Variants in CXXC4 observed in about 807,000 individuals in gnomAD.
CXXC4 encodes CXXC finger protein 4, also known as CXXC-type zinc finger protein 4.
CXXC4 carries 5 observed loss-of-function variants against 20.5 expected under a neutral mutation model. That is an observed-to-expected ratio of 0.24 (90% CI 0.13 to 0.51). The LOEUF is 0.51. Among genes scored for constraint, CXXC4 ranks in the 20% least tolerant of loss-of-function variants. The probability of loss-of-function intolerance (pLI) is 0.97; values close to 1 mark genes in which losing one functional copy is unlikely to be tolerated. For missense variants in CXXC4, 419 were observed against 496.4 expected (o/e 0.84, Z 1.48); for synonymous variants, 250 against 216.4 (o/e 1.16, Z -1.36).
rs1349043496 is a variant in CXXC4 at position 104,468,520 on chromosome 4, A to C, written c.*3802T>G. The C allele has an allele frequency of 6.6e-6, 1 of 151,756 alleles. No homozygotes were observed. The highest frequency in any genetic ancestry group is 2.4e-5 in the African/African-American group (1 of 41,328). 9.4% of individuals were successfully genotyped at this position (151,756 alleles called of 1,614,324 possible). A position where few individuals can be genotyped will look rare whatever the true frequency, so the allele number is the denominator to read the frequency against. ...CATACACCTTACACAAATATCTATTAGAAAATTTAATAGATAACTGCACAG... is the reference window on the plus strand; with the variant it reads ...CATACACCTTACACAAATATCTATTCGAAAATTTAATAGATAACTGCACAG... On this transcript the variant is annotated 3_prime_UTR_variant, in exon 3 of 3. Coordinates refer to ENST00000394767, the MANE Select transcript of CXXC4 (RefSeq NM_025212.4).
chr4:104,492,465 G>C (rs1262464183), intron 1 of CXXC4, among the ~76,000 whole-genome samples: 1 of 152,058 alleles, frequency 6.6e-6, no homozygotes, highest in East Asian at 1.9e-4. Context: ...GTGTGAACAA[G>C]TGCTGCCTGG....
chr4:104,481,252 G>T (rs988620807), intron 2 of CXXC4, among the ~76,000 whole-genome samples: 1 of 152,118 alleles, frequency 6.6e-6, no homozygotes, highest in Non-Finnish European at 1.5e-5. Flanking sequence ...TAGGGAGGCC[G>T]GGTGTTGTGG....
At chr4:104,482,100 A>G (rs1578318761) in intron 2 of CXXC4, among the ~76,000 whole-genome samples, 1 of 152,216 alleles carries the variant, frequency 6.6e-6, no homozygotes, top group Non-Finnish European at 1.5e-5. Context: ...GAAGTTGAAC[A>G]ATGCTTGCTA....
chr4:104,485,008 G>T (rs1348899207), intron 2 of CXXC4, among the ~76,000 whole-genome samples: 2 of 152,020 alleles, frequency 1.3e-5, no homozygotes, highest in South Asian at 2.1e-4. Flanking sequence ...GTTAAAAATG[G>T]TCAGAAACAC....
Position 104,491,128 on chromosome 4 carries a change from C to T in CXXC4, c.675G>A (p.Glu225=), listed in dbSNP as rs770547726. 5.6e-6 allele frequency: 9 copies of T among 1,614,118 alleles called. No individual in the cohort carries two copies. In the East Asian group the frequency reaches 1.8e-4, roughly 32 times the overall value. ...NKLKCGAAEA[E]IMNLPERVGT... Reference sequence around the variant, plus strand: ...CCACGCGCTCGGGGAGATTCATTATCTCTGCTTCAGCAGCGCCGCATTTGA... The same window carrying T: ...CCACGCGCTCGGGGAGATTCATTATTTCTGCTTCAGCAGCGCCGCATTTGA... Residue 225 remains glutamate (E), a synonymous_variant, in exon 2 of 3, where the codon GAG becomes GAA. Transcript: ENST00000394767.
At position 104,469,288 on chromosome 4, in the gene CXXC4, C is replaced by T. The variant is rs937779659; in HGVS notation, c.*3034G>A. 6.6e-6 allele frequency: 1 copy of T among 151,988 alleles called. No homozygotes were observed. Among genetic ancestry groups the T allele is most frequent in the African/African-American group, 2.4e-5 (1 of 41,422 alleles). The allele number at this position is 151,988 out of a possible 1,614,324, so 9.4% of individuals were successfully genotyped here. A position where few individuals can be genotyped will look rare whatever the true frequency, so the allele number is the denominator to read the frequency against. On this transcript the variant is annotated 3_prime_UTR_variant, in exon 3 of 3. Coordinates refer to ENST00000394767, the MANE Select transcript of CXXC4 (RefSeq NM_025212.4). ...CTGAAAAGGAAATTGGCTCACTGCA[C>T]TATGTATCAACGCCTCAAGTATTTA...
At chr4:104,492,882 A>C (rs962680063) in intron 1 of CXXC4, among the ~76,000 whole-genome samples, 1 of 152,110 alleles carries the variant, frequency 6.6e-6, no homozygotes, top group Non-Finnish European at 1.5e-5. Flanking sequence ...ATACATATTT[A>C]TTTATATCAG....
In CXXC4 at chr4:104,472,235, T is replaced by G; in HGVS notation, c.*87A>C. On this transcript the variant is annotated 3_prime_UTR_variant, in exon 3 of 3. Coordinates refer to ENST00000394767, the MANE Select transcript of CXXC4 (RefSeq NM_025212.4). ...TGAAAATAATTTCTGGATATTTTCT[T>G]CAGTGGTGGACTAAGCAGTTTCTTA... 1.4e-6 allele frequency: 1 copy of G among 700,142 alleles called. No individual in the cohort carries two copies. Among genetic ancestry groups the G allele is most frequent in the Non-Finnish European group, 2.4e-6 (1 of 422,820 alleles). The allele number at this position is 700,142 out of a possible 1,614,324, so 43.4% of individuals were successfully genotyped here. A position where few individuals can be genotyped will look rare whatever the true frequency, so the allele number is the denominator to read the frequency against.
chr4:104,480,864 C>T (rs1386250095), intron 2 of CXXC4, among the ~76,000 whole-genome samples: 2 of 147,000 alleles, frequency 1.4e-5, no homozygotes, highest in South Asian at 2.2e-4. Flanking sequence ...CTCCCTCCCT[C>T]CCTTCCTTCC....
chr4:104,491,864 G>A lies in CXXC4; in HGVS notation c.-62C>T, dbSNP rs1331788433. 2 of 824,082 alleles carry A rather than the reference G, an allele frequency of 2.4e-6. No homozygotes were observed. The highest frequency in any genetic ancestry group is 2.9e-6 in the Non-Finnish European group (2 of 688,544). The allele number at this position is 824,082 out of a possible 1,614,324, so 51.0% of individuals were successfully genotyped here. A position where few individuals can be genotyped will look rare whatever the true frequency, so the allele number is the denominator to read the frequency against. Reference sequence around the variant, plus strand: ...GGGGACCGCCTGGTCCGACACCTGGGTGGAAAAGGGGGAAAGGTGGGGGGG... The same window carrying A: ...GGGGACCGCCTGGTCCGACACCTGGATGGAAAAGGGGGAAAGGTGGGGGGG... On this transcript the variant is annotated 5_prime_UTR_variant, in exon 2 of 3. Coordinates refer to ENST00000394767, the MANE Select transcript of CXXC4 (RefSeq NM_025212.4).
intron 2 of CXXC4, among the ~76,000 whole-genome samples, chr4:104,487,198 C>A (rs1736722667): frequency 6.6e-6 from 1 of 152,122 alleles, no homozygotes; most frequent in South Asian, 2.1e-4. Context: ...TCTTCTCCAG[C>A]TCAAGGAAAG....
Position 104,493,561 on chromosome 4 carries a change from A to G in CXXC4, c.-258+1140T>C, listed in dbSNP as rs182906620. 1.1e-4 allele frequency among the ~76,000 whole-genome samples: 17 copies of G among 152,324 alleles called. No homozygotes were observed. In the East Asian group the frequency reaches 2.9e-3, roughly 26 times the overall value. Reference sequence around the variant, plus strand: ...GAGGGGTTTATGTAAACAAATCCCTATTAGGCAAAGTAAATCAAGATAAGG... The same window carrying G: ...GAGGGGTTTATGTAAACAAATCCCTGTTAGGCAAAGTAAATCAAGATAAGG... On this transcript the variant is annotated intron_variant, in intron 1 of 2. Transcript: ENST00000394767.
intron 2 of CXXC4, among the ~76,000 whole-genome samples, chr4:104,473,424 T>C (rs1255776911): frequency 6.6e-6 from 1 of 151,900 alleles, no homozygotes; most frequent in Non-Finnish European, 1.5e-5. Context: ...TTATAGTTAC[T>C]ATGAGGTTTT....
In CXXC4 at chr4:104,491,592, A is replaced by G. The variant is rs1375883051; in HGVS notation, c.211T>C (p.Phe71Leu). The G allele has an allele frequency of 6.6e-7, 1 of 1,522,596 alleles. No individual in the cohort carries two copies. 94.3% of individuals were successfully genotyped at this position (1,522,596 alleles called of 1,614,324 possible). Residue 71 changes from phenylalanine to leucine, a missense_variant, in exon 2 of 3, where the codon TTC becomes CTC. Physicochemically the swap from Phe to Leu is conservative, Grantham distance 22 (BLOSUM62 0). This residue lies in a region of CXXC4 where 388 missense variants were observed against 416.0 expected (regional missense o/e 0.93). Coordinates refer to ENST00000394767, the MANE Select transcript of CXXC4 (RefSeq NM_025212.4). Reference sequence around the variant, plus strand: ...GCGGCGGCGGCGGCGCTGCTGGGGAAGATGGGGGTGGTGATGCGCGCGATC... The same window carrying G: ...GCGGCGGCGGCGGCGCTGCTGGGGAGGATGGGGGTGGTGATGCGCGCGATC... Reference protein sequence around the residue: ...AKIARITTPIFPSSAAAAAAA... With the variant: ...AKIARITTPILPSSAAAAAAA...
intron 2 of CXXC4, among the ~76,000 whole-genome samples, chr4:104,477,381 T>G (rs1394928244): frequency 6.6e-6 from 1 of 152,086 alleles, no homozygotes; most frequent in African/African-American, 2.4e-5. Context: ...CAAAATCTAC[T>G]TGGAGAAATT....
chr4:104,494,785 G>A lies in CXXC4; in HGVS notation c.-342C>T, dbSNP rs1737000414. ...GGGGGTGGAAGGAGGAGGAGGTGGGGGGAGAGGAAAGAGTCGAGTGTGAGT... is the reference window on the plus strand; with the variant it reads ...GGGGGTGGAAGGAGGAGGAGGTGGGAGGAGAGGAAAGAGTCGAGTGTGAGT... On this transcript the variant is annotated 5_prime_UTR_variant, in exon 1 of 3. Coordinates refer to ENST00000394767, the MANE Select transcript of CXXC4 (RefSeq NM_025212.4). 1 of 148,220 alleles carries A rather than the reference G, an allele frequency of 6.7e-6. No individual in the cohort carries two copies. The allele number at this position is 148,220 out of a possible 1,614,324, so 9.2% of individuals were successfully genotyped here. A position where few individuals can be genotyped will look rare whatever the true frequency, so the allele number is the denominator to read the frequency against.
rs1440016158 is a variant in CXXC4 at position 104,471,648 on chromosome 4, T to C, written c.*674A>G. The C allele has an allele frequency of 6.6e-6, 1 of 152,016 alleles. No individual in the cohort carries two copies. Among genetic ancestry groups the C allele is most frequent in the Non-Finnish European group, 1.5e-5 (1 of 67,966 alleles). The allele number at this position is 152,016 out of a possible 1,614,324, so 9.4% of individuals were successfully genotyped here. On this transcript the variant is annotated 3_prime_UTR_variant, in exon 3 of 3. Transcript: ENST00000394767. ...TTGAAACTTTCATAACATCTTCCCC[T>C]CTTATAACAATAAAACTGAAGGTAA...
At position 104,491,317 on chromosome 4, in the gene CXXC4, G is replaced by GCCGCCGCCGCCGCCA. The variant is rs1031016065; in HGVS notation, c.471_485dup (p.Gly161_Gly165dup). On this transcript the variant is annotated inframe_insertion, in exon 2 of 3. Transcript: ENST00000394767. Reference sequence around the variant, plus strand: ...GCATGCTGGTCCTGCTGCCGCCGCCGCCGCCGCCGCCGCCACCGCCGGCGG... The same window carrying GCCGCCGCCGCCGCCA: ...GCATGCTGGTCCTGCTGCCGCCGCCGCCGCCGCCGCCGCCACCGCCGCCGCCGCCACCGCCGGCGG... The GCCGCCGCCGCCGCCA allele has an allele frequency of 9.0e-6, 14 of 1,556,434 alleles. No individual in the cohort carries two copies. The African/African-American group carries it at 1.4e-4, about 16-fold the overall frequency.
At chr4:104,488,932 T>C (rs913332525) in intron 2 of CXXC4, among the ~76,000 whole-genome samples, 9 of 152,212 alleles carry the variant, frequency 5.9e-5, no homozygotes, top group Non-Finnish European at 1.2e-4. Context: ...AGAACCAAAT[T>C]TATAATTCTA....
Sources: gnomAD v4.1 joint callset for allele counts (sites outside exome capture counted in the v4.1 genomes callset) on GRCh38, gnomAD v4.1.1 for gene constraint, gnomAD v4.1.1 regional missense constraint, MANE v1.5 for transcripts, NCBI Gene and HGNC (gene_info 2026-07-23, HGNC 2026-07-21) for gene names.